FGF14: variants seen among roughly 807,000 people sequenced by gnomAD.
The protein encoded by FGF14 is fibroblast growth factor 14, also known as fibroblast growth factor homologous factor 4.
A neutral mutation model predicts 25.5 loss-of-function variants in FGF14; 5 were observed. The observed-to-expected ratio is 0.20, with a 90% confidence interval of 0.10 to 0.41. FGF14 has a LOEUF of 0.41. Ranked by LOEUF, FGF14 falls within the 10% of genes least tolerant of loss-of-function variation. The pLI is 1.00. For synonymous variants in FGF14, 138 were observed against 118.3 expected, an observed-to-expected ratio of 1.17 and a Z score of -1.08; for missense variants, 222 against 320.1, an observed-to-expected ratio of 0.69 and a Z score of 2.34.
intron 1 of FGF14, among the ~76,000 whole-genome samples, chr13:102,075,601 C>G (rs2043326728): frequency 6.6e-6 from 1 of 152,188 alleles, no homozygotes; most frequent in South Asian, 2.1e-4. Context: ...TACTATTTAT[C>G]CAACTGGCTT....
chr13:102,074,189 T>A (rs1671085175), intron 1 of FGF14, among the ~76,000 whole-genome samples: 1 of 152,148 alleles, frequency 6.6e-6, no homozygotes, highest in South Asian at 2.1e-4. Context: ...TTAAAAAATT[T>A]TTTTTGTAGA....
At chr13:101,827,438 T>C (rs2042442099) in intron 3 of FGF14, among the ~76,000 whole-genome samples, 1 of 151,942 alleles carries the variant, frequency 6.6e-6, no homozygotes, top group African/African-American at 2.4e-5. Context: ...TTTTTATATT[T>C]GTATTTTAAA....
intron 1 of FGF14, among the ~76,000 whole-genome samples, chr13:102,280,689 T>C (rs1367697643): frequency 6.6e-6 from 1 of 152,226 alleles, no homozygotes; most frequent in Non-Finnish European, 1.5e-5. Context: ...TGAATGGTGG[T>C]TTTTGTTTTA....
At chr13:102,171,743 TA>T (rs2048252201) in intron 1 of FGF14, among the ~76,000 whole-genome samples, 1 of 152,066 alleles carries the variant, frequency 6.6e-6, no homozygotes. Context: ...TGTCAGTCAG[TA>T]AAACATTTTT....
At chr13:102,394,931 C>G (rs1315275534) in intron 1 of FGF14, 3 of 152,592 alleles carry the variant, frequency 2.0e-5, no homozygotes, top group Admixed American at 2.0e-4. Flanking sequence ...GGCCTGGGCC[C>G]AGAGCCGTGG....
intron 1 of FGF14, among the ~76,000 whole-genome samples, chr13:102,161,614 AAGAAGAAGAAGAAGAAGAAGAAGAAG>A (rs2047691430): frequency 1.9e-4 from 1 of 5,344 alleles, no homozygotes; most frequent in Admixed American, 2.3e-3. Flanking sequence ...GAAGAAGAAG[AAGAAGAAGAAGAAGAAGAAGAAGAAG>A]AAGAAGAAGA....
intron 1 of FGF14, among the ~76,000 whole-genome samples, chr13:102,069,419 T>C (rs903914765): frequency 2.0e-5 from 3 of 152,196 alleles, no homozygotes; most frequent in Non-Finnish European, 2.9e-5. Flanking sequence ...CGAGCCAGCA[T>C]TGGCAACCCG....
intron 1 of FGF14, among the ~76,000 whole-genome samples, chr13:102,183,935 C>T (rs995578368): frequency 6.6e-6 from 1 of 152,142 alleles, no homozygotes; most frequent in Non-Finnish European, 1.5e-5. Context: ...AGATGCTCAC[C>T]CAGTTGGCTC....
intron 1 of FGF14, among the ~76,000 whole-genome samples, chr13:102,291,500 T>C (rs1415055): frequency 0.57 from 87,105 of 151,964 alleles, 25,140 homozygotes; most frequent in Middle Eastern, 0.66. Context: ...GTGTCAAGAA[T>C]GTGTTCTCTA....
At chr13:101,836,065 G>A (rs1323303030) in intron 3 of FGF14, among the ~76,000 whole-genome samples, 1 of 152,014 alleles carries the variant, frequency 6.6e-6, no homozygotes, top group Non-Finnish European at 1.5e-5. Context: ...GCAGTGATAT[G>A]TTTCTAAAAC....
chr13:101,737,563 T>C (rs1401641230), intron 3 of FGF14, among the ~76,000 whole-genome samples: 1 of 152,206 alleles, frequency 6.6e-6, no homozygotes, highest in African/African-American at 2.4e-5. Flanking sequence ...TTCCTTGTAC[T>C]TCTCTGCCCA....
At chr13:102,354,604 G>A (rs917341795) in intron 1 of FGF14, among the ~76,000 whole-genome samples, 23 of 152,112 alleles carry the variant, frequency 1.5e-4, no homozygotes, top group African/African-American at 4.3e-4. Context: ...TCATCATCTT[G>A]AGGCCCACAA....
At position 101,714,895 on chromosome 13, in the gene FGF14, G is replaced by T. The variant is rs928880736; in HGVS notation, c.*7936C>A. On this transcript the variant is annotated 3_prime_UTR_variant, in exon 5 of 5. Coordinates refer to ENST00000376143, the MANE Select transcript of FGF14 (RefSeq NM_004115.4). The stretch of plus-strand genomic sequence containing the variant: ...TTACTTTGAACATGGTATAGGGAAT[G>T]AAATATTCTTTTAAACAGAATCTGG... The T allele has an allele frequency of 8.3e-6, 2 of 241,942 alleles. No homozygotes were observed. The highest frequency in any genetic ancestry group is 1.6e-5 in the Non-Finnish European group (2 of 125,368). 15.0% of individuals were successfully genotyped at this position (241,942 alleles called of 1,614,324 possible). A position where few individuals can be genotyped will look rare whatever the true frequency, so the allele number is the denominator to read the frequency against.
intron 1 of FGF14, among the ~76,000 whole-genome samples, chr13:102,211,424 G>T (rs114623038): frequency 1.2e-3 from 190 of 152,136 alleles, no homozygotes; most frequent in African/African-American, 4.5e-3. Flanking sequence ...CAGAATTGAT[G>T]TGTTCATATG....
chr13:102,107,498 G>GA (rs995575682), intron 1 of FGF14, among the ~76,000 whole-genome samples: 9 of 151,668 alleles, frequency 5.9e-5, no homozygotes, highest in Admixed American at 3.3e-4. Flanking sequence ...ATTCAAAGGT[G>GA]AAAAAAAAGA....
chr13:102,226,153 T>C (rs1594483248), intron 1 of FGF14, among the ~76,000 whole-genome samples: 1 of 152,306 alleles, frequency 6.6e-6, no homozygotes, highest in East Asian at 1.9e-4. Flanking sequence ...CCTAAGATGC[T>C]ATATGTGGTG....
At chr13:102,278,692 G>C (rs1204193947) in intron 1 of FGF14, among the ~76,000 whole-genome samples, 6 of 151,220 alleles carry the variant, frequency 4.0e-5, no homozygotes. Context: ...TTAAGCTCCA[G>C]TGTATGCATT....
intron 1 of FGF14, among the ~76,000 whole-genome samples, chr13:102,017,542 T>C (rs1274200038): frequency 6.6e-6 from 1 of 152,260 alleles, no homozygotes; most frequent in African/African-American, 2.4e-5. Context: ...TCCTTATTAT[T>C]TTCTCTTTAT....
intron 1 of FGF14, among the ~76,000 whole-genome samples, chr13:102,290,437 G>A (rs183288920): frequency 6.6e-6 from 1 of 152,278 alleles, no homozygotes; most frequent in Non-Finnish European, 1.5e-5. Flanking sequence ...TTTTATAGCA[G>A]CCTGAGCAGA....
Sources: gnomAD v4.1 joint callset for allele counts (sites outside exome capture counted in the v4.1 genomes callset) on GRCh38, gnomAD v4.1.1 for gene constraint, MANE v1.5 for transcripts, NCBI Gene and HGNC (gene_info 2026-07-23, HGNC 2026-07-21) for gene names.